VPS35L: variants seen among roughly 807,000 people sequenced by gnomAD.
The protein encoded by VPS35L is VPS35 endosomal protein-sorting factor-like.
Under a neutral mutation model 133.0 loss-of-function variants are expected in VPS35L, and 83 were observed. The observed-to-expected ratio is 0.62, with a 90% confidence interval of 0.52 to 0.75. VPS35L has a LOEUF of 0.75. Among genes scored for constraint, VPS35L ranks in the 30% least tolerant of loss-of-function variants. The pLI, the probability that VPS35L is intolerant of heterozygous loss-of-function variation, is 0.00. For synonymous variants in VPS35L, 423 were observed against 449.9 expected (o/e 0.94, Z 0.76); for missense variants, 1,083 against 1,206.8 (o/e 0.90, Z 1.52).
intron 28 of VPS35L, among the ~76,000 whole-genome samples, chr16:19,688,688 CCAGA>C (rs1319567384): frequency 1.3e-5 from 2 of 152,194 alleles, no homozygotes; most frequent in South Asian, 2.1e-4. Flanking sequence ...ACTGGGCTCC[CCAGA>C]CAGAGTGCTG....
At chr16:19,659,534 A>G (rs1042342471) in intron 26 of VPS35L, among the ~76,000 whole-genome samples, 2 of 152,248 alleles carry the variant, frequency 1.3e-5, no homozygotes, top group Admixed American at 6.5e-5. Flanking sequence ...GCATTAATGT[A>G]TAAGGTATTT....
At position 19,693,949 on chromosome 16, in the gene VPS35L, CAAAAAAAAAGAAAAAAAA is replaced by C. The variant is rs1264747491; in HGVS notation, c.2646+2495_2646+2512del. 12 of 74,886 alleles carry C rather than the reference CAAAAAAAAAGAAAAAAAA, an allele frequency of 1.6e-4. 1 individual carries two copies. The highest frequency in any genetic ancestry group is 7.9e-4 in the South Asian group (2 of 2,538). The allele number at this position is 74,886 out of a possible 1,614,324, so 4.6% of individuals were successfully genotyped here. A position where few individuals can be genotyped will look rare whatever the true frequency, so the allele number is the denominator to read the frequency against. Reference sequence around the variant, plus strand: ...AGGCAACAGAGCAAGACCCTGTCTCCAAAAAAAAAGAAAAAAAAAAAAAAAAAGAAAAAAGGGGGAATA... The same window carrying C: ...AGGCAACAGAGCAAGACCCTGTCTCCAAAAAAAAAGAAAAAAGGGGGAATA... On this transcript the variant is annotated intron_variant, in intron 29 of 30. Coordinates refer to ENST00000417362, the MANE Select transcript of VPS35L (RefSeq NM_020314.7).
At chr16:19,652,191 T>G in intron 26 of VPS35L, 101 bp downstream of exon 26, 1 of 880,686 alleles carries the variant, frequency 1.1e-6, no homozygotes, top group South Asian at 1.5e-5. Flanking sequence ...GATTTCTTTT[T>G]TTAGAGACAG....
chr16:19,639,948 G>A lies in VPS35L; in HGVS notation c.1699-67G>A. 2.9e-6 allele frequency: 4 copies of A among 1,366,134 alleles called. No individual in the cohort carries two copies. In the South Asian group the frequency reaches 3.6e-5, roughly 12 times the overall value. 84.6% of individuals were successfully genotyped at this position (1,366,134 alleles called of 1,614,324 possible). On this transcript the variant is annotated intron_variant, in intron 20 of 30. Transcript: ENST00000417362. The surrounding 1 kb of genome is among the most constrained non-coding windows in gnomAD (Gnocchi z 4.1). ...CTTCTTTGAACTCCACAGAAAAAGAGACCCACAGATTCCTTCCTTCCAATA... is the reference window on the plus strand; with the variant it reads ...CTTCTTTGAACTCCACAGAAAAAGAAACCCACAGATTCCTTCCTTCCAATA...
At chr16:19,622,140 C>CTTTTTTCTT (rs1973102620) in intron 14 of VPS35L, among the ~76,000 whole-genome samples, 1 of 107,918 alleles carries the variant, frequency 9.3e-6, no homozygotes, top group Non-Finnish European at 1.8e-5. Context: ...CCATGTATAT[C>CTTTTTTCTT]TTTTTTTTTT....
rs548362987 is a variant in VPS35L at position 19,666,500 on chromosome 16, C to T, written c.2222-2660C>T. 7.9e-5 allele frequency among the ~76,000 whole-genome samples: 12 copies of T among 152,244 alleles called. No individual in the cohort carries two copies. The East Asian group carries it at 2.1e-3, about 27-fold the overall frequency. ...ACAATATTTTCTATATGGGGCAAGT[C>T]TTCTGAGGATAGAACTAAAAATCTG... On this transcript the variant is annotated intron_variant, in intron 26 of 30. Transcript: ENST00000417362.
At chr16:19,559,305 A>T (rs115193322) in intron 1 of VPS35L, among the ~76,000 whole-genome samples, 2,723 of 152,260 alleles carry the variant, frequency 0.018, 94 homozygotes, top group African/African-American at 0.063. Context: ...CGCCCAGGTG[A>T]TGTCATTGCT....
chr16:19,619,121 C>G (rs1972994871), intron 14 of VPS35L, among the ~76,000 whole-genome samples: 2 of 151,462 alleles, frequency 1.3e-5, no homozygotes, highest in Non-Finnish European at 2.9e-5. Flanking sequence ...AGTAGAGATG[C>G]AGTTTCACCT....
intron 2 of VPS35L, chr16:19,569,150 C>A: frequency 3.2e-6 from 2 of 619,260 alleles, no homozygotes; most frequent in East Asian, 3.4e-5. Flanking sequence ...ACATAGGGAA[C>A]CCCAGGTGCT....
chr16:19,671,756 A>G (rs1414939089), intron 27 of VPS35L, among the ~76,000 whole-genome samples: 1 of 152,170 alleles, frequency 6.6e-6, no homozygotes, highest in Non-Finnish European at 1.5e-5. Context: ...CAGCCTGGGC[A>G]ACAGAGCAAG....
At chr16:19,581,041 T>C (rs1971693178) in intron 6 of VPS35L, among the ~76,000 whole-genome samples, 2 of 152,176 alleles carry the variant, frequency 1.3e-5, no homozygotes, top group South Asian at 4.1e-4. Context: ...TTTGAGTTAA[T>C]ATCCGTCTGT....
At chr16:19,598,934 C>T (rs1477090584) in intron 8 of VPS35L, among the ~76,000 whole-genome samples, 1 of 152,162 alleles carries the variant, frequency 6.6e-6, no homozygotes, top group Non-Finnish European at 1.5e-5. Context: ...AGAAGTTATG[C>T]AGCCACCTAG....
chr16:19,558,357 C>T (rs1970925366), intron 1 of VPS35L, among the ~76,000 whole-genome samples: 2 of 152,292 alleles, frequency 1.3e-5, no homozygotes, highest in South Asian at 4.1e-4. Context: ...AAATTAGCCC[C>T]ACAAGGGATA....
At chr16:19,572,386 C>T (rs1971411133) in intron 3 of VPS35L, among the ~76,000 whole-genome samples, 1 of 152,168 alleles carries the variant, frequency 6.6e-6, no homozygotes, top group Admixed American at 6.5e-5. Context: ...TCACTGCACT[C>T]CAGCCTGGGC....
intron 21 of VPS35L, among the ~76,000 whole-genome samples, chr16:19,641,114 G>T (rs1328853028): frequency 6.6e-6 from 1 of 151,688 alleles, no homozygotes. Flanking sequence ...ACCCAGGCTC[G>T]AGTGAAATGG....
intron 9 of VPS35L, among the ~76,000 whole-genome samples, chr16:19,604,032 G>A (rs993766983): frequency 6.6e-6 from 1 of 151,712 alleles, no homozygotes; most frequent in South Asian, 2.1e-4. Context: ...ACGCCCGGCC[G>A]AATCCATTTA....
At chr16:19,682,429 A>G in intron 28 of VPS35L, 39 bp downstream of exon 28, 1 of 1,581,820 alleles carries the variant, frequency 6.3e-7, no homozygotes, top group Non-Finnish European at 8.6e-7. Flanking sequence ...CTCCGCATGG[A>G]TTTCATGAAA....
intron 3 of VPS35L, among the ~76,000 whole-genome samples, chr16:19,570,026 CTT>C (rs1369743365): frequency 6.6e-6 from 1 of 151,758 alleles, no homozygotes; most frequent in African/African-American, 2.4e-5. Context: ...TCTGTGAAGT[CTT>C]TTTGTTTTTT....
Position 19,663,291 on chromosome 16 carries a change from C to A in VPS35L, c.2222-5869C>A, listed in dbSNP as rs1391219923. Reference sequence around the variant, plus strand: ...ATGCCATTGCACTGGGCAACAAGAGCAAAGTCTCAATAATAATAAATTTCA... The same window carrying A: ...ATGCCATTGCACTGGGCAACAAGAGAAAAGTCTCAATAATAATAAATTTCA... On this transcript the variant is annotated intron_variant, in intron 26 of 30. Transcript: ENST00000417362. Among the ~76,000 whole-genome samples the A allele has an allele frequency of 2.0e-5, 3 of 152,180 alleles. No individual in the cohort carries two copies. The East Asian group carries it at 5.8e-4, about 29-fold the overall frequency.
Sources: gnomAD v4.1 joint callset for allele counts (sites outside exome capture counted in the v4.1 genomes callset) on GRCh38, gnomAD v4.1.1 for gene constraint, Gnocchi (gnomAD v3.1) non-coding constraint, MANE v1.5 for transcripts, NCBI Gene and HGNC (gene_info 2026-07-23, HGNC 2026-07-21) for gene names.